CCDC171: variants seen among roughly 807,000 people sequenced by gnomAD.
CCDC171 encodes coiled-coil domain-containing protein 171.
CCDC171 carries 177 observed loss-of-function variants against 168.2 expected under a neutral mutation model. The ratio of observed to expected loss-of-function variants is 1.05; its 90% CI spans 0.93 to 1.19. CCDC171 has a LOEUF of 1.19. Among genes scored for constraint, CCDC171 ranks in the 50% most tolerant of loss-of-function variants. CCDC171 has a pLI of 0.00. For synonymous variants in CCDC171, 687 were observed against 540.8 expected, an observed-to-expected ratio of 1.27 and a Z score of -3.75; for missense variants, 1,991 against 1,539.0, an observed-to-expected ratio of 1.29 and a Z score of -4.91.
intron 6 of CCDC171, among the ~76,000 whole-genome samples, chr9:15,610,105 A>G (rs766655916): frequency 6.6e-6 from 1 of 151,966 alleles, no homozygotes; most frequent in African/African-American, 2.4e-5. Context: ...CTTTCTTAGT[A>G]TATTCTCCTT....
intron 21 of CCDC171, among the ~76,000 whole-genome samples, chr9:15,837,743 A>G (rs1327199473): frequency 6.6e-6 from 1 of 152,170 alleles, no homozygotes; most frequent in Non-Finnish European, 1.5e-5. Flanking sequence ...TCTTTAATTA[A>G]TACAAGTGAA....
intron 22 of CCDC171, 97 bp downstream of exon 22, chr9:15,846,944 GA>G: frequency 1.0e-6 from 1 of 984,214 alleles, no homozygotes; most frequent in Non-Finnish European, 1.4e-6. Context: ...TACAGTGTTA[GA>G]AAACAAAAGT....
intron 24 of CCDC171, among the ~76,000 whole-genome samples, chr9:15,876,812 TTTAACTTTGTACTC>T (rs943288799): frequency 2.6e-5 from 4 of 152,116 alleles, no homozygotes; most frequent in African/African-American, 4.8e-5. Flanking sequence ...TCAGTAGTTG[TTTAACTTTGTACTC>T]TGACTCTGTA....
At chr9:15,655,621 G>A (rs1273322914) in intron 7 of CCDC171, among the ~76,000 whole-genome samples, 2 of 152,194 alleles carry the variant, frequency 1.3e-5, no homozygotes, top group Admixed American at 1.3e-4. Flanking sequence ...GGAGAAGACA[G>A]GACGTAGACT....
chr9:15,928,861 G>A (rs150873121), intron 25 of CCDC171, among the ~76,000 whole-genome samples: 36 of 151,702 alleles, frequency 2.4e-4, no homozygotes, highest in African/African-American at 8.0e-4. Context: ...AGAGTTGTTT[G>A]TATAGGAAAC....
At chr9:15,583,035 T>A (rs1450722422) in intron 4 of CCDC171, among the ~76,000 whole-genome samples, 1 of 151,654 alleles carries the variant, frequency 6.6e-6, no homozygotes, top group Non-Finnish European at 1.5e-5. Flanking sequence ...AAAAGACACA[T>A]GCACACGCAG....
chr9:15,713,945 A>T (rs778747393), intron 11 of CCDC171, among the ~76,000 whole-genome samples: 7 of 151,758 alleles, frequency 4.6e-5, no homozygotes, highest in Admixed American at 1.3e-4. Context: ...GTCCTGCTAG[A>T]TGAAAAAAAC....
At chr9:15,826,937 A>G (rs1356222403) in intron 21 of CCDC171, among the ~76,000 whole-genome samples, 1 of 152,216 alleles carries the variant, frequency 6.6e-6, no homozygotes, top group Non-Finnish European at 1.5e-5. Context: ...GCTTTCATCA[A>G]ATTTATGAAA....
intron 20 of CCDC171, among the ~76,000 whole-genome samples, chr9:15,781,825 A>G (rs1466241642): frequency 1.3e-5 from 2 of 152,206 alleles, no homozygotes; most frequent in African/African-American, 4.8e-5. Flanking sequence ...TAAGCACGTT[A>G]CAGACGTTGA....
intron 3 of CCDC171, among the ~76,000 whole-genome samples, chr9:15,990,702 A>G (rs1251894246): frequency 1.3e-5 from 2 of 152,232 alleles, no homozygotes; most frequent in East Asian, 1.9e-4. Flanking sequence ...AGAGCCACAC[A>G]TAGGCTCAAA....
intron 18 of CCDC171, among the ~76,000 whole-genome samples, chr9:15,764,852 C>T (rs939677333): frequency 6.6e-6 from 1 of 152,144 alleles, no homozygotes; most frequent in Non-Finnish European, 1.5e-5. Context: ...CTGCATTCCA[C>T]CCAGATTTTG....
rs1039987185 is a variant in CCDC171 at position 15,563,968 on chromosome 9, A to G, written c.-111-10A>G. The G allele has an allele frequency of 5.2e-5, 38 of 727,240 alleles. No homozygotes were observed. Among genetic ancestry groups the G allele is most frequent in the Non-Finnish European group, 9.0e-5 (38 of 420,948 alleles). 45.0% of individuals were successfully genotyped at this position (727,240 alleles called of 1,614,324 possible). A position where few individuals can be genotyped will look rare whatever the true frequency, so the allele number is the denominator to read the frequency against. ...TCAAACTGCTATTGTATCATTTACT[A>G]TTTTAACAGACCTCAAATCATCTAA... is the stretch of plus-strand genomic sequence containing the variant. On this transcript the variant is annotated splice_polypyrimidine_tract_variant and intron_variant, in intron 1 of 25. Transcript: ENST00000380701.
chr9:15,993,758 A>G (rs916337251), intron 3 of CCDC171, among the ~76,000 whole-genome samples: 1 of 152,176 alleles, frequency 6.6e-6, no homozygotes, highest in Non-Finnish European at 1.5e-5. Context: ...GAAAAAAACA[A>G]CCCCATCAAA....
chr9:16,024,571 C>T (rs916045773), intron 6 of CCDC171, among the ~76,000 whole-genome samples: 9 of 152,214 alleles, frequency 5.9e-5, no homozygotes, highest in Admixed American at 1.3e-4. Flanking sequence ...GACCTAGCAA[C>T]GCAGGTTCAG....
chr9:16,102,070 C>A, the CCDC171 span, among the ~76,000 whole-genome samples: 3 of 152,328 alleles, frequency 2.0e-5, no homozygotes, highest in Non-Finnish European at 4.4e-5. Context: ...TGGCAGCCCT[C>A]CCTGCATCCT....
At chr9:15,810,777 C>T (rs1029283707) in intron 21 of CCDC171, among the ~76,000 whole-genome samples, 5 of 152,312 alleles carry the variant, frequency 3.3e-5, no homozygotes, top group East Asian at 3.9e-4. Context: ...TTCCCGCCTG[C>T]GCCTCTCCCT....
chr9:15,763,771 A>G (rs2056577873), intron 18 of CCDC171, among the ~76,000 whole-genome samples: 1 of 152,190 alleles, frequency 6.6e-6, no homozygotes. Flanking sequence ...GCTGAGTAAT[A>G]TTTCATTCTA....
chr9:15,944,555 A>G (rs1293406152), intron 25 of CCDC171, among the ~76,000 whole-genome samples: 1 of 151,988 alleles, frequency 6.6e-6, no homozygotes, highest in Non-Finnish European at 1.5e-5. Context: ...ATGAACTCTT[A>G]TTATGCTGTA....
At chr9:15,750,980 A>C (rs2055699618) in intron 18 of CCDC171, among the ~76,000 whole-genome samples, 2 of 152,224 alleles carry the variant, frequency 1.3e-5, no homozygotes, top group African/African-American at 4.8e-5. Context: ...AGAGGAAATC[A>C]AATGGTCTCT....
Sources: gnomAD v4.1 joint callset for allele counts (sites outside exome capture counted in the v4.1 genomes callset) on GRCh38, gnomAD v4.1.1 for gene constraint, MANE v1.5 for transcripts, NCBI Gene and HGNC (gene_info 2026-07-23, HGNC 2026-07-21) for gene names.